Variants in SMC5 observed in about 807,000 individuals in gnomAD.
SMC5 encodes the protein structural maintenance of chromosomes protein 5.
A neutral mutation model predicts 148.3 loss-of-function variants in SMC5; 88 were observed. The ratio of observed to expected loss-of-function variants is 0.59; its 90% CI spans 0.50 to 0.71. The LOEUF (loss-of-function observed/expected upper bound fraction) is 0.71. Ranked by LOEUF, SMC5 falls within the 30% of genes least tolerant of loss-of-function variation. SMC5 has a pLI of 0.00. For missense variants in SMC5, 1,142 were observed against 1,298.9 expected, an observed-to-expected ratio of 0.88 and a Z score of 1.86; for synonymous variants, 421 against 432.8, an observed-to-expected ratio of 0.97 and a Z score of 0.34.
intron 22 of SMC5, among the ~76,000 whole-genome samples, chr9:70,348,795 A>T (rs905559518): frequency 1.3e-5 from 2 of 152,194 alleles, no homozygotes; most frequent in Non-Finnish European, 2.9e-5. Context: ...GGCTAAAATT[A>T]ATTTTTCTTT....
At chr9:70,334,026 T>C (rs569689835) in intron 17 of SMC5, among the ~76,000 whole-genome samples, 22 of 152,150 alleles carry the variant, frequency 1.4e-4, no homozygotes, top group Admixed American at 3.3e-4. Flanking sequence ...ATTATGACAT[T>C]ACAACAATCA....
At chr9:70,268,057 G>A (rs1587617468) in intron 3 of SMC5, 82 bp downstream of exon 3, 1 of 1,060,978 alleles carries the variant, frequency 9.4e-7, no homozygotes, top group South Asian at 1.5e-5. Context: ...TTAGAAAAGA[G>A]TATTAATATA....
chr9:70,277,590 C>T (rs2034626882), intron 4 of SMC5, 118 bp downstream of exon 4: 2 of 737,544 alleles, frequency 2.7e-6, no homozygotes. Context: ...TCTTACAGTT[C>T]TTTGTAAAGG....
At chr9:70,317,706 A>G (rs2035838834) in intron 13 of SMC5, among the ~76,000 whole-genome samples, 1 of 152,190 alleles carries the variant, frequency 6.6e-6, no homozygotes, top group Non-Finnish European at 1.5e-5. Flanking sequence ...TAGATCAAAT[A>G]GTGGTATGGT....
Position 70,304,323 on chromosome 9 carries a change from C to G in SMC5, c.1465-924C>G, listed in dbSNP as rs2035441494. Among the ~76,000 whole-genome samples the G allele has an allele frequency of 2.6e-5, 4 of 151,988 alleles. No individual in the cohort carries two copies. The South Asian group carries it at 6.2e-4, about 24-fold the overall frequency. Reference sequence around the variant, plus strand: ...CAAACTTCTGGCTTCCAGTGTTATCCTCTCATCTTGGCCTCCCAAAGTGTT... The same window carrying G: ...CAAACTTCTGGCTTCCAGTGTTATCGTCTCATCTTGGCCTCCCAAAGTGTT... On this transcript the variant is annotated intron_variant, in intron 10 of 24. Transcript: ENST00000361138.
At chr9:70,299,821 G>A (rs183653998) in intron 9 of SMC5, among the ~76,000 whole-genome samples, 12 of 151,524 alleles carry the variant, frequency 7.9e-5, no homozygotes, top group South Asian at 2.1e-4. Context: ...GTTTTTGTAG[G>A]TTACCTGTTT....
intron 22 of SMC5, among the ~76,000 whole-genome samples, chr9:70,349,652 CTCTGCAG>C (rs2036756604): frequency 6.6e-6 from 1 of 152,078 alleles, no homozygotes; most frequent in African/African-American, 2.4e-5. Flanking sequence ...ATTCTTGGCC[CTCTGCAG>C]TTACCATACA....
At chr9:70,323,681 G>A in intron 16 of SMC5, 75 bp downstream of exon 16, 1 of 1,473,194 alleles carries the variant, frequency 6.8e-7, no homozygotes, top group Non-Finnish European at 9.2e-7. Context: ...TCTTTAGAGG[G>A]AGGGAAGGTT....
intron 3 of SMC5, among the ~76,000 whole-genome samples, chr9:70,273,721 G>T (rs1033945378): frequency 2.0e-5 from 3 of 152,038 alleles, no homozygotes; most frequent in Non-Finnish European, 2.9e-5. Context: ...CTAATGTAGT[G>T]ATTTTCTTAT....
At position 70,315,591 on chromosome 9, in the gene SMC5, T is replaced by G. The variant is rs760512079; in HGVS notation, c.1806+13T>G. The G allele has an allele frequency of 2.6e-6, 4 of 1,554,036 alleles. No individual in the cohort carries two copies. In the South Asian group the frequency reaches 3.7e-5, roughly 14 times the overall value. ...AAGAATTGAACGGGTAGGAAAGTAG[T>G]GAATCATGTACTGAATCATGTACCA... is the stretch of plus-strand genomic sequence containing the variant. On this transcript the variant is annotated intron_variant, in intron 13 of 24. Coordinates refer to ENST00000361138, the MANE Select transcript of SMC5 (RefSeq NM_015110.4).
intron 6 of SMC5, 124 bp downstream of exon 6, chr9:70,281,023 A>T (rs886342165): frequency 4.0e-6 from 4 of 1,011,494 alleles, no homozygotes; most frequent in Non-Finnish European, 5.8e-6. Context: ...TTTATATGTT[A>T]TACATAATAA....
At chr9:70,348,999 G>A (rs934915139) in intron 22 of SMC5, among the ~76,000 whole-genome samples, 50 of 152,292 alleles carry the variant, frequency 3.3e-4, no homozygotes, top group African/African-American at 1.2e-3. Flanking sequence ...TCTTTCTCTT[G>A]CTCAGTACTA....
In SMC5 at chr9:70,301,549, A is replaced by C. The variant is rs575597547; in HGVS notation, c.1464+1349A>C. 3.3e-5 allele frequency among the ~76,000 whole-genome samples: 5 copies of C among 152,224 alleles called. No individual in the cohort carries two copies. In the South Asian group the frequency reaches 1.0e-3, roughly 32 times the overall value. ...AATATGCAAACTTAAAATTTTAGTC[A>C]TATAAATGGTCATTTAGTAGTCTAT... On this transcript the variant is annotated intron_variant, in intron 10 of 24. Coordinates refer to ENST00000361138, the MANE Select transcript of SMC5 (RefSeq NM_015110.4).
chr9:70,287,534 T>G (rs940690287), intron 8 of SMC5, among the ~76,000 whole-genome samples: 3 of 152,226 alleles, frequency 2.0e-5, no homozygotes, highest in Non-Finnish European at 4.4e-5. Flanking sequence ...TGAAATTACC[T>G]GCCTTGGGGG....
chr9:70,266,685 C>T (rs1454849004), intron 2 of SMC5, among the ~76,000 whole-genome samples: 1 of 151,966 alleles, frequency 6.6e-6, no homozygotes, highest in Non-Finnish European at 1.5e-5. Context: ...TATGGGATGC[C>T]CAAGTTCTCA....
In SMC5 at chr9:70,318,680, A is replaced by G. The variant is rs138593664; in HGVS notation, c.1973A>G (p.Gln658Arg). The G allele has an allele frequency of 1.6e-5, 25 of 1,588,282 alleles. No individual in the cohort carries two copies. In the Admixed American group the frequency reaches 2.2e-4, roughly 14 times the overall value. Reference sequence around the variant, plus strand: ...GAGCAGAGAAGACACTTAGAAGAACAGCTAAAGGTTGGTTAATTTGATCTG... The same window carrying G: ...GAGCAGAGAAGACACTTAGAAGAACGGCTAAAGGTTGGTTAATTTGATCTG... ...DLEQRRHLEE[Q>R]LKEIHRKLQA... is the part of the protein sequence containing the mutation. The change falls in exon 14 of 25, where the codon CAG (glutamine) becomes CGG (arginine). Residue 658 changes from glutamine (Q) to arginine (R), a missense_variant. Around this residue, in one of 5 missense-constraint regions of SMC5, gnomAD observed 743 missense variants for 835.7 expected, o/e 0.89. Coordinates refer to ENST00000361138, the MANE Select transcript of SMC5 (RefSeq NM_015110.4).
At chr9:70,260,484 G>T (rs2034086862) in intron 1 of SMC5, among the ~76,000 whole-genome samples, 3 of 151,632 alleles carry the variant, frequency 2.0e-5, no homozygotes, top group African/African-American at 7.3e-5. Context: ...TTTTTTTCAA[G>T]CACCTATTGT....
chr9:70,298,221 A>G lies in SMC5; in HGVS notation c.1309A>G (p.Ser437Gly). The G allele has an allele frequency of 6.2e-7, 1 of 1,607,440 alleles. No homozygotes were observed. The highest frequency in any genetic ancestry group is 8.5e-7 in the Non-Finnish European group (1 of 1,177,720). The change falls in exon 9 of 25, where the codon AGT (serine) becomes GGT (glycine). Residue 437 changes from serine (S) to glycine (G), a missense_variant and splice_region_variant. Physicochemically the swap from Ser to Gly is moderately conservative, Grantham distance 56 (BLOSUM62 0). Around this residue, in one of 5 missense-constraint regions of SMC5, gnomAD observed 743 missense variants for 835.7 expected, o/e 0.89. Coordinates refer to ENST00000361138, the MANE Select transcript of SMC5 (RefSeq NM_015110.4). ...GGAAACTCTAGAGAAGGAGAAAAAG[A>G]GTAAGTTTCATAAAGTTAGAATGAA... ...ERETLEKEKK[S>G]VDDHIVRFDN...
At chr9:70,344,421 T>G in intron 18 of SMC5, 152 bp downstream of exon 18, 1 of 302,534 alleles carries the variant, frequency 3.3e-6, no homozygotes, top group Non-Finnish European at 5.9e-6. Flanking sequence ...TATATATATA[T>G]ATAAAATAAT....
Sources: allele counts gnomAD v4.1 joint callset (sites outside exome capture counted in the v4.1 genomes callset), GRCh38; gene constraint gnomAD v4.1.1; regional missense constraint gnomAD v4.1.1; transcripts MANE v1.5; gene names NCBI Gene and HGNC (gene_info 2026-07-23, HGNC 2026-07-21).